Variants in RABEPK observed in about 807,000 individuals in gnomAD.
The protein encoded by RABEPK is Rab9 effector protein with kelch motifs, also known as 40 kDa Rab9 effector protein.
A neutral mutation model predicts 34.1 loss-of-function variants in RABEPK; 27 were observed. The observed-to-expected ratio is 0.79, with a 90% CI of 0.58 to 1.09. The LOEUF (loss-of-function observed/expected upper bound fraction) is 1.09. Among genes scored for constraint, RABEPK ranks in the 50% least tolerant of loss-of-function variants. RABEPK has a pLI of 0.00. For missense variants in RABEPK, 449 were observed against 462.6 expected, an observed-to-expected ratio of 0.97 and a Z score of 0.27; for synonymous variants, 172 against 169.2, an observed-to-expected ratio of 1.02 and a Z score of -0.13.
intron 1 of RABEPK, 91 bp from the exon 2 acceptor site, chr9:125,202,917 A>G (rs1829995820): frequency 2.3e-6 from 2 of 878,628 alleles, no homozygotes; most frequent in Admixed American, 1.9e-5. Flanking sequence ...AGAAATTAGT[A>G]CATTCAACAG....
rs750108449 is a variant in RABEPK at position 125,207,558 on chromosome 9, T to G, written c.54-6T>G. Reference sequence around the variant, plus strand: ...AGGCCTCCTGAATACATCCTTCCTTTGGCAGGTACACCTTGACTGTCCCTG... The same window carrying G: ...AGGCCTCCTGAATACATCCTTCCTTGGGCAGGTACACCTTGACTGTCCCTG... On this transcript the variant is annotated splice_polypyrimidine_tract_variant and splice_region_variant and intron_variant, in intron 2 of 7. Transcript: ENST00000373538. 3 of 1,613,450 alleles carry G rather than the reference T, an allele frequency of 1.9e-6. No individual in the cohort carries two copies. Among genetic ancestry groups the G allele is most frequent in the Non-Finnish European group, 2.5e-6 (3 of 1,179,334 alleles).
At chr9:125,227,512 C>T (rs567405739) in intron 5 of RABEPK, among the ~76,000 whole-genome samples, 9 of 151,898 alleles carry the variant, frequency 5.9e-5, no homozygotes, top group Non-Finnish European at 1.2e-4. Flanking sequence ...ACCTCCACCT[C>T]TCGGGTTCAA....
chr9:125,213,794 A>T (rs902545028), intron 4 of RABEPK, among the ~76,000 whole-genome samples: 9 of 152,296 alleles, frequency 5.9e-5, no homozygotes, highest in African/African-American at 2.2e-4. Context: ...CAAGTGGGCT[A>T]CTCAGGTTTA....
rs1490209275 is a variant in RABEPK, at chr9:125,232,609, G to A, written c.690G>A (p.Trp230Ter). 6 of 1,611,988 alleles carry A rather than the reference G, an allele frequency of 3.7e-6. No homozygotes were observed. The highest frequency in any genetic ancestry group is 5.1e-6 in the Non-Finnish European group (6 of 1,179,104). Residue 230 changes from tryptophan (W) to a stop codon, truncating the protein, a stop_gained, in exon 7 of 8, where the codon TGG becomes TGA. Transcript: ENST00000373538. LOFTEE classifies it high-confidence loss of function. ...LHCIDISDMK[W>*]QKLNPTGAAP... ...TTCTCTTGGCAGGTGACATGAAATG[G>A]CAGAAGCTAAATCCCACTGGGGCTG... is the stretch of plus-strand genomic sequence containing the variant.
Position 125,233,885 on chromosome 9 carries a change from GA to G in RABEPK, c.1027del (p.Ser343AlafsTer14), listed in dbSNP as rs762764034. The G allele has an allele frequency of 3.1e-6, 5 of 1,613,882 alleles. No homozygotes were observed. The South Asian group carries it at 5.5e-5, about 18-fold the overall frequency. ...GAGCCACAGTGGTGACTCACATGAG[GA>G]AAGCCAGACTGCTACACTGCTCTGT... ...VMSHSGDSHE[E>X]SQTATLLCLV... On this transcript the variant is annotated frameshift_variant, in exon 8 of 8. Coordinates refer to ENST00000373538, the MANE Select transcript of RABEPK (RefSeq NM_005833.4). LOFTEE classifies it high-confidence loss of function.
At chr9:125,208,190 C>A (rs1830360058) in intron 3 of RABEPK, among the ~76,000 whole-genome samples, 1 of 151,986 alleles carries the variant, frequency 6.6e-6, no homozygotes, top group Non-Finnish European at 1.5e-5. Flanking sequence ...CTTAGTAGGC[C>A]CCTGGCACAC....
chr9:125,210,263 C>T (rs1223611003), intron 3 of RABEPK, among the ~76,000 whole-genome samples: 3 of 149,254 alleles, frequency 2.0e-5, no homozygotes, highest in Admixed American at 6.7e-5. Flanking sequence ...ATTAGCCAGG[C>T]GTGGTGGCGG....
rs1280418218 is a variant in RABEPK, at chr9:125,200,567, A to G, written c.-346A>G. 2 of 404,262 alleles carry G rather than the reference A, an allele frequency of 4.9e-6. No individual in the cohort carries two copies. Among genetic ancestry groups the G allele is most frequent in the Admixed American group, 5.5e-5 (2 of 36,158 alleles). The allele number at this position is 404,262 out of a possible 1,614,324, so 25.0% of individuals were successfully genotyped here. On this transcript the variant is annotated 5_prime_UTR_variant, in exon 1 of 8. Coordinates refer to ENST00000373538, the MANE Select transcript of RABEPK (RefSeq NM_005833.4). ...GGAGTCACGGCTCGCGACTGGCCTA[A>G]GTCGCCGCAGGTATTGCAGTCCGGG...
At chr9:125,215,695 A>G (rs1057059554) in intron 4 of RABEPK, among the ~76,000 whole-genome samples, 1 of 152,114 alleles carries the variant, frequency 6.6e-6, no homozygotes. Context: ...ATGAACATTT[A>G]GTTCTTTTCA....
intron 2 of RABEPK, among the ~76,000 whole-genome samples, chr9:125,204,276 A>G (rs1200639079): frequency 1.3e-5 from 2 of 150,796 alleles, no homozygotes; most frequent in African/African-American, 2.4e-5. Context: ...CTCCATCTCA[A>G]AAAAAAAGAA....
chr9:125,234,053 C>T lies in RABEPK; in HGVS notation c.*73C>T, dbSNP rs1832419084. 4 of 1,349,592 alleles carry T rather than the reference C, an allele frequency of 3.0e-6. No individual in the cohort carries two copies. The highest frequency in any genetic ancestry group is 4.1e-6 in the Non-Finnish European group (4 of 975,890). The allele number at this position is 1,349,592 out of a possible 1,614,324, so 83.6% of individuals were successfully genotyped here. A position where few individuals can be genotyped will look rare whatever the true frequency, so the allele number is the denominator to read the frequency against. On this transcript the variant is annotated 3_prime_UTR_variant, in exon 8 of 8. Coordinates refer to ENST00000373538, the MANE Select transcript of RABEPK (RefSeq NM_005833.4). ...GTAAAACATTAGCTGTTTTATACCT[C>T]CAAAATATCTTCTGCATTATATATC...
At chr9:125,212,302 C>T (rs1009343391) in intron 3 of RABEPK, among the ~76,000 whole-genome samples, 2 of 152,198 alleles carry the variant, frequency 1.3e-5, no homozygotes, top group Middle Eastern at 3.2e-3. Flanking sequence ...TCACTGCAAG[C>T]TCCACCTCCC....
intron 5 of RABEPK, among the ~76,000 whole-genome samples, chr9:125,225,122 C>T (rs1271571980): frequency 6.6e-6 from 1 of 152,048 alleles, no homozygotes; most frequent in African/African-American, 2.4e-5. Context: ...TGGTGGCTGA[C>T]ACCTGCAATC....
intron 6 of RABEPK, among the ~76,000 whole-genome samples, chr9:125,231,738 C>G (rs75379953): frequency 6.6e-6 from 1 of 150,958 alleles, no homozygotes; most frequent in Non-Finnish European, 1.5e-5. Flanking sequence ...GAGTCAAGAT[C>G]AAGCCACTGC....
At chr9:125,225,963 A>G (rs1831707351) in intron 5 of RABEPK, among the ~76,000 whole-genome samples, 1 of 107,938 alleles carries the variant, frequency 9.3e-6, no homozygotes, top group South Asian at 2.8e-4. Context: ...ACTCTGTTTC[A>G]AAAAAAAAAA....
intron 6 of RABEPK, among the ~76,000 whole-genome samples, chr9:125,228,466 G>A (rs1420761839): frequency 1.3e-5 from 2 of 151,968 alleles, no homozygotes; most frequent in Non-Finnish European, 2.9e-5. Flanking sequence ...AGACCAGCCT[G>A]GCCAACATGG....
At chr9:125,210,706 CA>C (rs35140834) in intron 3 of RABEPK, among the ~76,000 whole-genome samples, 317 of 83,260 alleles carry the variant, frequency 3.8e-3, no homozygotes, top group African/African-American at 7.6e-3. Flanking sequence ...GACTCCGTCT[CA>C]AAAAAAAAAA....
chr9:125,223,319 TGCCACCCTCTGCTGC>T (rs57186617), intron 5 of RABEPK, among the ~76,000 whole-genome samples: 112,459 of 151,758 alleles, frequency 0.74, 41,937 homozygotes, highest in African/African-American at 0.78. Flanking sequence ...GGTGCCTGCC[TGCCACCCTCTGCTGC>T]AATCCCAGCT....
intron 4 of RABEPK, among the ~76,000 whole-genome samples, chr9:125,217,076 G>A (rs1830979976): frequency 6.6e-6 from 1 of 152,112 alleles, no homozygotes; most frequent in Non-Finnish European, 1.5e-5. Context: ...GGTGCTTAAG[G>A]GCACAGATGA....
Sources: gnomAD v4.1 joint callset for allele counts (sites outside exome capture counted in the v4.1 genomes callset) on GRCh38, gnomAD v4.1.1 for gene constraint, MANE v1.5 for transcripts, NCBI Gene and HGNC (gene_info 2026-07-23, HGNC 2026-07-21) for gene names.